ATG2B: variants seen among roughly 807,000 people sequenced by gnomAD.
The protein encoded by ATG2B is autophagy-related protein 2 homolog B.
In ATG2B, 121 loss-of-function variants were observed where a neutral mutation model predicts 241.3. The ratio of observed to expected loss-of-function variants is 0.50; its 90% CI spans 0.43 to 0.58. The LOEUF (loss-of-function observed/expected upper bound fraction) is 0.58, where lower values mean the gene tolerates loss of function less well. Ranked by LOEUF, ATG2B falls within the 20% of genes least tolerant of loss-of-function variation. The pLI is 0.00. For missense variants in ATG2B, 2,306 were observed against 2,491.6 expected (o/e 0.93, Z 1.59); for synonymous variants, 858 against 876.6 (o/e 0.98, Z 0.37).
chr14:96,307,257 C>G (rs1886976044), intron 29 of ATG2B, among the ~76,000 whole-genome samples: 1 of 151,932 alleles, frequency 6.6e-6, no homozygotes. Context: ...ACTAAAAATA[C>G]AAAAATCAGC....
At chr14:96,322,375 T>G in intron 17 of ATG2B, 121 bp from the exon 18 acceptor site, 2 of 1,341,494 alleles carry the variant, frequency 1.5e-6, no homozygotes, top group East Asian at 4.8e-5. Flanking sequence ...AACATTTAAC[T>G]AGAGAAAATA....
At chr14:96,355,332 C>G (rs377717973) in intron 1 of ATG2B, among the ~76,000 whole-genome samples, 14 of 152,044 alleles carry the variant, frequency 9.2e-5, no homozygotes, top group Admixed American at 8.5e-4. Context: ...AGGAAGGGGT[C>G]CAGTTTCAAT....
chr14:96,346,725 T>C (rs1222765502), intron 2 of ATG2B, among the ~76,000 whole-genome samples: 3 of 152,232 alleles, frequency 2.0e-5, no homozygotes, highest in Non-Finnish European at 4.4e-5. Flanking sequence ...TGTATCAGTA[T>C]GGTCCTAGAG....
At chr14:96,316,309 C>A (rs945304304) in intron 21 of ATG2B, among the ~76,000 whole-genome samples, 1 of 152,160 alleles carries the variant, frequency 6.6e-6, no homozygotes, top group African/African-American at 2.4e-5. Flanking sequence ...GAAAGGTACA[C>A]TTTAAATGAG....
At chr14:96,360,600 T>C (rs1000812262) in intron 1 of ATG2B, among the ~76,000 whole-genome samples, 1 of 152,208 alleles carries the variant, frequency 6.6e-6, no homozygotes, top group African/African-American at 2.4e-5. Flanking sequence ...ATATGCAATG[T>C]CAATTAGCCA....
At position 96,295,285 on chromosome 14, in the gene ATG2B, T is replaced by C. The variant is rs796755833; in HGVS notation, c.5219-118A>G. The C allele has an allele frequency of 4.7e-6, 5 of 1,061,178 alleles. No homozygotes were observed. In the African/African-American group the frequency reaches 8.0e-5, roughly 17 times the overall value. The allele number at this position is 1,061,178 out of a possible 1,614,324, so 65.7% of individuals were successfully genotyped here. A position where few individuals can be genotyped will look rare whatever the true frequency, so the allele number is the denominator to read the frequency against. On this transcript the variant is annotated intron_variant, in intron 35 of 41. Coordinates refer to ENST00000359933, the MANE Select transcript of ATG2B (RefSeq NM_018036.7). Reference sequence around the variant, plus strand: ...TTATTTAATCAAAATACGATTCTTGTTACAGAGAAAATTTGCTTTCACCTT... The same window carrying C: ...TTATTTAATCAAAATACGATTCTTGCTACAGAGAAAATTTGCTTTCACCTT...
chr14:96,301,581 C>G (rs1298869509), intron 34 of ATG2B, among the ~76,000 whole-genome samples: 1 of 152,194 alleles, frequency 6.6e-6, no homozygotes, highest in Non-Finnish European at 1.5e-5. Flanking sequence ...TCTGTTGTTT[C>G]TGACCTCTTT....
rs1247365826 is a variant in ATG2B, at chr14:96,290,929, T to C, written c.5586A>G (p.Leu1862=). The stretch of plus-strand genomic sequence containing the variant: ...CATATGAGAATAATTTGTCAACGCC[T>C]AGTAAACTAGAGCAAATGATTATTA... ...LKRLSYRHGL[L]GVDKLFSYAI... is the part of the protein sequence containing the mutation. The change falls in exon 39 of 42, where the codon CTA becomes CTG. Residue 1862 remains leucine, a synonymous_variant. Transcript: ENST00000359933. This position sits in a 1 kb window ranked among gnomAD's most constrained non-coding sequence, Gnocchi z 4.4. 1 of 1,609,642 alleles carries C rather than the reference T, an allele frequency of 6.2e-7. No homozygotes were observed. The highest frequency in any genetic ancestry group is 8.5e-7 in the Non-Finnish European group (1 of 1,178,102).
Position 96,285,586 on chromosome 14 carries a change from CAGA to C in ATG2B, c.*166_*168del. 1.6e-6 allele frequency: 1 copy of C among 638,132 alleles called. No individual in the cohort carries two copies. The highest frequency in any genetic ancestry group is 2.7e-6 in the Non-Finnish European group (1 of 367,808). 39.5% of individuals were successfully genotyped at this position (638,132 alleles called of 1,614,324 possible). Reference sequence around the variant, plus strand: ...ATAGGCAAGTATCAACTATAAATGTCAGAAGTTTTTGGTTGCATGTTGTTTTGA... The same window carrying C: ...ATAGGCAAGTATCAACTATAAATGTCAGTTTTTGGTTGCATGTTGTTTTGA... On this transcript the variant is annotated 3_prime_UTR_variant, in exon 42 of 42. Transcript: ENST00000359933. The surrounding 1 kb of genome is among the most constrained non-coding windows in gnomAD (Gnocchi z 4.2).
rs2139835140 is a variant in ATG2B, at chr14:96,289,525, T to G, written c.6006+131A>C. The G allele has an allele frequency of 9.2e-7, 1 of 1,085,948 alleles. No homozygotes were observed. Among genetic ancestry groups the G allele is most frequent in the East Asian group, 2.4e-5 (1 of 41,278 alleles). The allele number at this position is 1,085,948 out of a possible 1,614,324, so 67.3% of individuals were successfully genotyped here. On this transcript the variant is annotated intron_variant, in intron 41 of 41. Transcript: ENST00000359933. The surrounding 1 kb of genome is among the most constrained non-coding windows in gnomAD (Gnocchi z 4.3). ...ACCTCACACAGATATGGGCACATGT[T>G]ATTAGTGGCAGTTGCCATTCTGCTC...
At chr14:96,331,708 A>T in intron 10 of ATG2B, 71 bp from the exon 11 acceptor site, 1 of 1,202,806 alleles carries the variant, frequency 8.3e-7, no homozygotes, top group South Asian at 1.6e-5. Context: ...TAAAACATTT[A>T]CTCATTTATT....
chr14:96,353,195 T>A (rs1888379151), intron 1 of ATG2B, among the ~76,000 whole-genome samples: 1 of 152,178 alleles, frequency 6.6e-6, no homozygotes, highest in Non-Finnish European at 1.5e-5. Flanking sequence ...TTTAGGCAAG[T>A]ACACTATGAC....
Position 96,334,504 on chromosome 14 carries a change from T to C in ATG2B, c.925-3A>G. 2 of 1,560,826 alleles carry C rather than the reference T, an allele frequency of 1.3e-6. No homozygotes were observed. The highest frequency in any genetic ancestry group is 1.7e-6 in the Non-Finnish European group (2 of 1,149,938). On this transcript the variant is annotated splice_region_variant and splice_polypyrimidine_tract_variant and intron_variant, in intron 6 of 41. Transcript: ENST00000359933. The stretch of plus-strand genomic sequence containing the variant: ...TCTATCTGTCCATCAACATCCAACT[T>C]AAGGGAAAAAAAAAAACTATTCATG...
At chr14:96,311,365 T>C in intron 27 of ATG2B, 78 bp from the exon 28 acceptor site, 1 of 1,353,348 alleles carries the variant, frequency 7.4e-7, no homozygotes, top group Non-Finnish European at 1.0e-6. Context: ...AGATTTACAT[T>C]AAATAAGATT....
chr14:96,352,063 C>A (rs1275925369), intron 1 of ATG2B, among the ~76,000 whole-genome samples: 1 of 152,122 alleles, frequency 6.6e-6, no homozygotes, highest in African/African-American at 2.4e-5. Context: ...TAAAGTTATG[C>A]ATCACAGAAG....
At position 96,285,907 on chromosome 14, in the gene ATG2B, C is replaced by T. The variant is rs762693084; in HGVS notation, c.6085G>A (p.Gly2029Ser). ...HESRGVTGAVGEVLRQIPPAV... is the reference protein window; with the variant it reads ...HESRGVTGAVSEVLRQIPPAV... ...GGAGGAATCTGGCGCAGAACCTCGC[C>T]CACGGCACCAGTCACCCCTCTGCTC... Residue 2029 changes from glycine (G) to serine (S), a missense_variant, in exon 42 of 42, where the codon GGC (glycine) becomes AGC (serine). Physicochemically the swap from Gly to Ser is moderately conservative, Grantham distance 56. Coordinates refer to ENST00000359933, the MANE Select transcript of ATG2B (RefSeq NM_018036.7). This position sits in a 1 kb window ranked among gnomAD's most constrained non-coding sequence, Gnocchi z 4.2. The T allele has an allele frequency of 1.3e-5, 21 of 1,613,956 alleles. No individual in the cohort carries two copies. Among genetic ancestry groups the T allele is most frequent in the Non-Finnish European group, 1.5e-5 (18 of 1,180,038 alleles).
rs146556539 is a variant in ATG2B, at chr14:96,356,435, T to C, written c.162+6380A>G. ...GAGAAATGTATTTTCACATGGAAGATTTTGCAGGAGGCTAAGCAAAATCAT... is the reference window on the plus strand; with the variant it reads ...GAGAAATGTATTTTCACATGGAAGACTTTGCAGGAGGCTAAGCAAAATCAT... On this transcript the variant is annotated intron_variant, in intron 1 of 41. Coordinates refer to ENST00000359933, the MANE Select transcript of ATG2B (RefSeq NM_018036.7). 2.0e-5 allele frequency among the ~76,000 whole-genome samples: 3 copies of C among 152,252 alleles called. No individual in the cohort carries two copies. In the East Asian group the frequency reaches 5.8e-4, roughly 29 times the overall value.
intron 14 of ATG2B, among the ~76,000 whole-genome samples, chr14:96,326,510 G>C (rs1399137753): frequency 1.3e-5 from 2 of 152,020 alleles, no homozygotes; most frequent in East Asian, 1.9e-4. Flanking sequence ...GGTTCTATGA[G>C]ACCAAGATAT....
chr14:96,344,179 T>C (rs1485397774), intron 4 of ATG2B, among the ~76,000 whole-genome samples: 1 of 152,214 alleles, frequency 6.6e-6, no homozygotes, highest in Non-Finnish European at 1.5e-5. Flanking sequence ...TTTAAGTAAA[T>C]ATTGCACATA....
Sources: allele counts gnomAD v4.1 joint callset (sites outside exome capture counted in the v4.1 genomes callset), GRCh38; gene constraint gnomAD v4.1.1; non-coding constraint Gnocchi (gnomAD v3.1); transcripts MANE v1.5; gene names NCBI Gene and HGNC (gene_info 2026-07-23, HGNC 2026-07-21).